Variants in SPOCK3 observed in about 807,000 individuals in gnomAD.
SPOCK3 encodes testican-3.
A neutral mutation model predicts 56.6 loss-of-function variants in SPOCK3; 30 were observed. The observed-to-expected ratio is 0.53, with a 90% CI of 0.40 to 0.72. The LOEUF (loss-of-function observed/expected upper bound fraction) is 0.72, where lower values mean the gene tolerates loss of function less well. SPOCK3 is among the 30% of genes least tolerant of loss of function. The pLI is 0.00. For synonymous variants in SPOCK3, 196 were observed against 183.3 expected, an observed-to-expected ratio of 1.07 and a Z score of -0.56; for missense variants, 527 against 530.0, an observed-to-expected ratio of 0.99 and a Z score of 0.06.
chr4:166,768,096 T>G (rs1009063990), intron 7 of SPOCK3, among the ~76,000 whole-genome samples: 1 of 152,144 alleles, frequency 6.6e-6, no homozygotes, highest in Non-Finnish European at 1.5e-5. Flanking sequence ...GCATGTGAGA[T>G]GGGTCTCCTG....
chr4:167,100,615 G>A (rs1370846083), intron 2 of SPOCK3, among the ~76,000 whole-genome samples: 1 of 151,638 alleles, frequency 6.6e-6, no homozygotes, highest in Non-Finnish European at 1.5e-5. Flanking sequence ...CAAATAATTA[G>A]GATATAAAAT....
Position 167,140,600 on chromosome 4 carries a change from G to C in SPOCK3, c.190-78063C>G, listed in dbSNP as rs969106875. 9.9e-5 allele frequency among the ~76,000 whole-genome samples: 15 copies of C among 152,074 alleles called. No homozygotes were observed. The Middle Eastern group carries it at 0.01, about 103-fold the overall frequency. ...TTAAGCACTGGAGAAAAGACTAAAA[G>C]TTGTCACCACAACCAGACAGATTGT... On this transcript the variant is annotated intron_variant, in intron 2 of 10. Coordinates refer to ENST00000357545, the MANE Select transcript of SPOCK3 (RefSeq NM_001040159.2).
intron 2 of SPOCK3, among the ~76,000 whole-genome samples, chr4:167,159,246 T>C (rs889045092): frequency 2.6e-5 from 4 of 151,922 alleles, no homozygotes; most frequent in African/African-American, 9.7e-5. Context: ...AATGGTACCA[T>C]GGTGATTATT....
At chr4:167,113,062 C>T (rs1055409553) in intron 2 of SPOCK3, among the ~76,000 whole-genome samples, 54 of 151,996 alleles carry the variant, frequency 3.6e-4, no homozygotes, top group African/African-American at 1.3e-3. Context: ...AAAGAATCAA[C>T]GTGAAAAGGT....
chr4:167,064,676 G>T (rs962373358), intron 2 of SPOCK3, among the ~76,000 whole-genome samples: 1 of 151,626 alleles, frequency 6.6e-6, no homozygotes, highest in Non-Finnish European at 1.5e-5. Context: ...ATTTGGAGAC[G>T]GGCAAACCAG....
intron 3 of SPOCK3, among the ~76,000 whole-genome samples, chr4:167,046,236 A>AGTTTT (rs1174695277): frequency 1.3e-5 from 2 of 150,884 alleles, no homozygotes; most frequent in Non-Finnish European, 3.0e-5. Flanking sequence ...GCTTCTTTTG[A>AGTTTT]GTTTTGTTTT....
chr4:167,201,829 A>G (rs973290689), intron 2 of SPOCK3, among the ~76,000 whole-genome samples: 1 of 151,936 alleles, frequency 6.6e-6, no homozygotes, highest in Non-Finnish European at 1.5e-5. Context: ...TAACTAAAGA[A>G]ATTTAGAGTT....
At chr4:166,984,377 C>T (rs2150099222) in intron 4 of SPOCK3, among the ~76,000 whole-genome samples, 1 of 152,158 alleles carries the variant, frequency 6.6e-6, no homozygotes, top group African/African-American at 2.4e-5. Flanking sequence ...AACCGTATAG[C>T]TTGATCTCAA....
chr4:166,976,482 T>G (rs528855289), intron 4 of SPOCK3, among the ~76,000 whole-genome samples: 113 of 152,230 alleles, frequency 7.4e-4, no homozygotes, highest in African/African-American at 2.5e-3. Context: ...TTCCTGAAAC[T>G]CTCAGTCTTG....
At position 166,856,239 on chromosome 4, in the gene SPOCK3, C is replaced by T. The variant is rs141747343; in HGVS notation, c.589+32891G>A. 7.1e-4 allele frequency among the ~76,000 whole-genome samples: 107 copies of T among 151,724 alleles called. 1 individual carries two copies. In the East Asian group the frequency reaches 0.019, roughly 27 times the overall value. On this transcript the variant is annotated intron_variant, in intron 6 of 10. Transcript: ENST00000357545. The stretch of plus-strand genomic sequence containing the variant: ...AGTTGGCCAATGGGCACAAAGTTTC[C>T]ATTAGATAGGAGAAATAGTGCTGAT...
chr4:166,864,157 T>C (rs1318150948), intron 6 of SPOCK3, among the ~76,000 whole-genome samples: 2 of 152,122 alleles, frequency 1.3e-5, no homozygotes, highest in Admixed American at 6.6e-5. Flanking sequence ...ACATGGAAAT[T>C]GAACAACCTG....
rs532003271 is a variant in SPOCK3 at position 167,091,856 on chromosome 4, A to G, written c.190-29319T>C. 8.5e-5 allele frequency among the ~76,000 whole-genome samples: 13 copies of G among 152,276 alleles called. No individual in the cohort carries two copies. The South Asian group carries it at 1.5e-3, about 17-fold the overall frequency. On this transcript the variant is annotated intron_variant, in intron 2 of 10. Coordinates refer to ENST00000357545, the MANE Select transcript of SPOCK3 (RefSeq NM_001040159.2). ...TTTTGCCAAATAATATTCAAAATGA[A>G]ATTATGTAAGTTTTTCTTCCCCTGC...
intron 2 of SPOCK3, among the ~76,000 whole-genome samples, chr4:167,181,370 G>A (rs1386561606): frequency 6.6e-6 from 1 of 152,112 alleles, no homozygotes; most frequent in Admixed American, 6.6e-5. Context: ...TACTATCTCT[G>A]TTGCTACAGG....
intron 5 of SPOCK3, among the ~76,000 whole-genome samples, chr4:166,892,088 G>T (rs1406220848): frequency 6.6e-6 from 1 of 151,938 alleles, no homozygotes; most frequent in Non-Finnish European, 1.5e-5. Context: ...CCCAAAAGTT[G>T]ATGATTCATT....
intron 2 of SPOCK3, among the ~76,000 whole-genome samples, chr4:167,144,723 G>A (rs201220939): frequency 2.8e-5 from 4 of 141,910 alleles, no homozygotes; most frequent in Non-Finnish European, 3.0e-5. Context: ...AGATATCTAG[G>A]AAAAAAAAAA....
At chr4:167,122,511 G>A (rs1403177167) in intron 2 of SPOCK3, among the ~76,000 whole-genome samples, 2 of 152,202 alleles carry the variant, frequency 1.3e-5, no homozygotes, top group African/African-American at 2.4e-5. Context: ...TATAGATAGA[G>A]AGGAAAAGTC....
At chr4:166,951,888 G>C (rs1055040249) in intron 4 of SPOCK3, among the ~76,000 whole-genome samples, 8 of 152,010 alleles carry the variant, frequency 5.3e-5, no homozygotes, top group Non-Finnish European at 7.4e-5. Context: ...AACAACACTT[G>C]ATGCTAAAAA....
intron 2 of SPOCK3, among the ~76,000 whole-genome samples, chr4:167,214,946 G>A (rs531760111): frequency 6.7e-4 from 101 of 151,326 alleles, no homozygotes; most frequent in African/African-American, 2.3e-3. Flanking sequence ...CATATGCCAT[G>A]GCAAACCCTC....
At chr4:167,222,670 G>C (rs1253054422) in intron 2 of SPOCK3, among the ~76,000 whole-genome samples, 1 of 130,468 alleles carries the variant, frequency 7.7e-6, no homozygotes, top group Admixed American at 8.1e-5. Context: ...TATAAACATA[G>C]ATATATATTT....
Sources: gnomAD v4.1 joint callset for allele counts (sites outside exome capture counted in the v4.1 genomes callset) on GRCh38, gnomAD v4.1.1 for gene constraint, MANE v1.5 for transcripts, NCBI Gene and HGNC (gene_info 2026-07-23, HGNC 2026-07-21) for gene names.